Variants in PDSS1 observed in about 807,000 individuals in gnomAD.
The protein encoded by PDSS1 is all trans-polyprenyl-diphosphate synthase PDSS1.
Under a neutral mutation model 57.5 loss-of-function variants are expected in PDSS1, and 43 were observed. That is an observed-to-expected ratio of 0.75 (90% CI 0.59 to 0.96). PDSS1 has a LOEUF of 0.96. PDSS1 is among the 50% of genes least tolerant of loss of function. The pLI is 0.00. For synonymous variants in PDSS1, 175 were observed against 191.3 expected (o/e 0.91, Z 0.70); for missense variants, 438 against 527.8 (o/e 0.83, Z 1.67).
intron 6 of PDSS1, among the ~76,000 whole-genome samples, chr10:26,723,084 C>T (rs1835840867): frequency 6.6e-6 from 1 of 152,116 alleles, no homozygotes; most frequent in South Asian, 2.1e-4. Flanking sequence ...CCACCCTCCC[C>T]ACTGCCCTGG....
At chr10:26,719,617 A>G (rs1489677781) in intron 5 of PDSS1, among the ~76,000 whole-genome samples, 1 of 152,124 alleles carries the variant, frequency 6.6e-6, no homozygotes, top group Non-Finnish European at 1.5e-5. Context: ...AAAATATAAA[A>G]TTTAGCTGGG....
At chr10:26,732,747 A>T (rs1260714308) in intron 8 of PDSS1, among the ~76,000 whole-genome samples, 1 of 152,232 alleles carries the variant, frequency 6.6e-6, no homozygotes, top group Non-Finnish European at 1.5e-5. Context: ...TATTTGTGGG[A>T]TATTGTGAGG....
chr10:26,724,295 C>T (rs1244608977), intron 8 of PDSS1, among the ~76,000 whole-genome samples, 172 bp downstream of exon 8: 1 of 152,166 alleles, frequency 6.6e-6, no homozygotes, highest in African/African-American at 2.4e-5. Context: ...GCTGTGTTTT[C>T]ATTTTTGCCA....
At chr10:26,735,400 A>G (rs1035197738) in intron 9 of PDSS1, 66 bp from the exon 10 acceptor site, 4 of 1,386,698 alleles carry the variant, frequency 2.9e-6, no homozygotes. Context: ...TCGTCAAAAT[A>G]GTAAGAACGA....
intron 1 of PDSS1, 122 bp from the exon 2 acceptor site, chr10:26,702,040 G>T (rs747374296): frequency 3.3e-5 from 14 of 421,730 alleles, no homozygotes; most frequent in Non-Finnish European, 5.2e-5. Context: ...GTTTGGACTT[G>T]CATGAGGCCT....
At chr10:26,714,441 C>G (rs1220690491) in intron 5 of PDSS1, among the ~76,000 whole-genome samples, 1 of 148,014 alleles carries the variant, frequency 6.8e-6, no homozygotes, top group Admixed American at 6.8e-5. Context: ...CGCCACTGCA[C>G]TCCAGCCTAG....
At chr10:26,734,400 C>G (rs1236865792) in intron 8 of PDSS1, among the ~76,000 whole-genome samples, 2 of 152,232 alleles carry the variant, frequency 1.3e-5, no homozygotes, top group East Asian at 1.9e-4. Context: ...CTCCCCTCCC[C>G]CTTGTTGGTT....
chr10:26,727,485 CT>C (rs569539570), intron 8 of PDSS1, among the ~76,000 whole-genome samples: 3,332 of 142,230 alleles, frequency 0.023, 103 homozygotes, highest in African/African-American at 0.074. Context: ...GCAGAACACT[CT>C]TTTTTTTTTT....
intron 8 of PDSS1, among the ~76,000 whole-genome samples, chr10:26,727,059 C>CAAAAAAAA (rs146269922): frequency 1.5e-5 from 1 of 66,114 alleles, no homozygotes; most frequent in African/African-American, 5.1e-5. Flanking sequence ...GAGAGTCTCT[C>CAAAAAAAA]AAAAAAAAAA....
At chr10:26,744,360 CTATTTTA>C (rs1836729929) in intron 11 of PDSS1, among the ~76,000 whole-genome samples, 1 of 151,740 alleles carries the variant, frequency 6.6e-6, no homozygotes, top group African/African-American at 2.4e-5. Flanking sequence ...CCCATAAACA[CTATTTTA>C]TTTTATTTTT....
intron 2 of PDSS1, among the ~76,000 whole-genome samples, chr10:26,703,959 T>G (rs953309200): frequency 4.0e-5 from 6 of 151,626 alleles, no homozygotes; most frequent in African/African-American, 1.5e-4. Flanking sequence ...TGGGCGCCTG[T>G]AGTCCCAGCT....
intron 8 of PDSS1, among the ~76,000 whole-genome samples, chr10:26,733,885 G>C (rs574557949): frequency 1.3e-5 from 2 of 152,194 alleles, no homozygotes; most frequent in East Asian, 3.9e-4. Flanking sequence ...GAGGCGGAAG[G>C]AACCCTTGAG....
At chr10:26,713,249 G>C (rs146674303) in intron 5 of PDSS1, among the ~76,000 whole-genome samples, 1 of 147,202 alleles carries the variant, frequency 6.8e-6, no homozygotes, top group South Asian at 2.1e-4. Context: ...CCGAGATCAC[G>C]CCATTGCATT....
intron 5 of PDSS1, among the ~76,000 whole-genome samples, chr10:26,714,030 C>T (rs148366346): frequency 6.6e-6 from 1 of 152,180 alleles, no homozygotes; most frequent in Non-Finnish European, 1.5e-5. Flanking sequence ...TCCTCTCCCC[C>T]TCCCTCAGGT....
intron 1 of PDSS1, among the ~76,000 whole-genome samples, chr10:26,699,853 G>A (rs1054964674): frequency 6.6e-6 from 1 of 152,190 alleles, no homozygotes; most frequent in East Asian, 1.9e-4. Context: ...TATTTCTGAT[G>A]TGTGTGTCAG....
intron 5 of PDSS1, chr10:26,718,719 C>G (rs1835683562): frequency 6.8e-6 from 1 of 147,172 alleles, no homozygotes; most frequent in Non-Finnish European, 1.5e-5. Flanking sequence ...CGAGATCACA[C>G]CATTGCACTC....
At chr10:26,727,795 A>C (rs1032506624) in intron 8 of PDSS1, among the ~76,000 whole-genome samples, 2 of 152,040 alleles carry the variant, frequency 1.3e-5, no homozygotes, top group South Asian at 4.1e-4. Context: ...TTCACGTTGC[A>C]TTTTGCTGTC....
intron 10 of PDSS1, among the ~76,000 whole-genome samples, chr10:26,736,717 G>T (rs776176410): frequency 5.3e-5 from 8 of 152,056 alleles, no homozygotes; most frequent in Non-Finnish European, 1.2e-4. Flanking sequence ...TGGGGTACTC[G>T]GTAGGAACAC....
chr10:26,731,887 G>A (rs1294782674), intron 8 of PDSS1, among the ~76,000 whole-genome samples: 1 of 152,206 alleles, frequency 6.6e-6, no homozygotes, highest in Admixed American at 6.5e-5. Flanking sequence ...CGCCTCCCAG[G>A]TTCAAGCAAT....
Sources: allele counts gnomAD v4.1 joint callset (sites outside exome capture counted in the v4.1 genomes callset), GRCh38; gene constraint gnomAD v4.1.1; transcripts MANE v1.5; gene names NCBI Gene and HGNC (gene_info 2026-07-23, HGNC 2026-07-21).